Variants in ARL17B observed in about 807,000 individuals in gnomAD.
The protein encoded by ARL17B is ADP-ribosylation factor-like protein 17.
chr17:46,305,413 TG>T (rs2143635964), intron 3 of ARL17B: 2 of 386,288 alleles, frequency 5.2e-6, no homozygotes, highest in East Asian at 6.4e-5. Context: ...AGAGTTGAGA[TG>T]AAAAATAGGT....
At chr17:46,351,184 T>C (rs1161234213) in intron 3 of ARL17B, among the ~76,000 whole-genome samples, 1 of 12,466 alleles carries the variant, frequency 8.0e-5, no homozygotes, top group African/African-American at 9.0e-5. Flanking sequence ...TTTTTGCATA[T>C]TTTTAGTAGA....
At chr17:46,340,668 G>A (rs1259702348) in intron 3 of ARL17B, among the ~76,000 whole-genome samples, 2 of 71,186 alleles carry the variant, frequency 2.8e-5, no homozygotes, top group Non-Finnish European at 7.3e-5. Context: ...TCAGCCTCCC[G>A]AATAGCTGGG....
chr17:46,276,950 C>T (rs1172689361), intron 4 of ARL17B, among the ~76,000 whole-genome samples: 4 of 151,698 alleles, frequency 2.6e-5, no homozygotes, highest in East Asian at 1.9e-4. Context: ...ACTACAGGCA[C>T]GTGCCACCAT....
Position 46,291,985 on chromosome 17 carries a change from A to AAAAAAAAAAAAAAAAC in ARL17B, c.*21+7540_*21+7541insGTTTTTTTTTTTTTTT, listed in dbSNP as rs1360524355. Among the ~76,000 whole-genome samples, 9 of 76,580 alleles carry AAAAAAAAAAAAAAAAC rather than the reference A, an allele frequency of 1.2e-4. 1 individual carries two copies. Among genetic ancestry groups the AAAAAAAAAAAAAAAAC allele is most frequent in the Non-Finnish European group, 1.9e-4 (7 of 36,352 alleles). 50.2% of individuals were successfully genotyped at this position (76,580 alleles called of 152,430 possible). ...CTCAAAAAGCAAAAAAAAAAAAAAA[A>AAAAAAAAAAAAAAAAC]AAGCCAATAAAATCAATGGTCTAAT... On this transcript the variant is annotated intron_variant, in intron 4 of 4. Coordinates refer to the ARL17B transcript ENST00000570618.
chr17:46,333,284 C>A (rs1220485458), downstream of ARL17B, among the ~76,000 whole-genome samples: 6 of 58,266 alleles, frequency 1.0e-4, 3 homozygotes. Flanking sequence ...TGAGATGTGT[C>A]ACCATTTCTT....
intron 3 of ARL17B, among the ~76,000 whole-genome samples, chr17:46,317,165 T>C (rs1189459735): frequency 2.2e-5 from 2 of 89,790 alleles, no homozygotes; most frequent in South Asian, 4.3e-4. Context: ...GCAGAGGCGC[T>C]CCTCACATCC....
rs1316120698 is a variant in ARL17B, at chr17:46,338,237, GGCAAGAGAAGCCCTAA to G, written c.*1247_*1262del. 1.2e-5 allele frequency among the ~76,000 whole-genome samples: 1 copy of G among 80,156 alleles called. No individual in the cohort carries two copies. The highest frequency in any genetic ancestry group is 2.4e-4 in the East Asian group (1 of 4,142). 52.6% of individuals were successfully genotyped at this position (80,156 alleles called of 152,430 possible). A position where few individuals can be genotyped will look rare whatever the true frequency, so the allele number is the denominator to read the frequency against. ...AGGCCGCCTAGAAGGACACTAAAAA[GGCAAGAGAAGCCCTAA>G]GCAGAGTGAGCACCAGACTCCACAG... On this transcript the variant is annotated 3_prime_UTR_variant, in exon 4 of 4. Transcript: ENST00000450673.
chr17:46,285,044 T>G (rs2532310), intron 4 of ARL17B, among the ~76,000 whole-genome samples: 18,013 of 151,534 alleles, frequency 0.12, no homozygotes, highest in Non-Finnish European at 0.18. Context: ...TTTATTTTTA[T>G]TTTTTGTAGA....
At chr17:46,281,824 A>C (rs1262344218) in intron 4 of ARL17B, among the ~76,000 whole-genome samples, 4 of 152,014 alleles carry the variant, frequency 2.6e-5, no homozygotes, top group African/African-American at 9.6e-5. Flanking sequence ...TTGTATTTTT[A>C]GTAGAGATGG....
At chr17:46,275,908 T>G (rs75378182) in intron 4 of ARL17B, among the ~76,000 whole-genome samples, 1 of 152,172 alleles carries the variant, frequency 6.6e-6, no homozygotes, top group African/African-American at 2.4e-5. Context: ...TTTTTTTTTT[T>G]GAGACGAAGT....
chr17:46,288,706 C>CTTTTTTTTT (rs199591277), intron 4 of ARL17B, among the ~76,000 whole-genome samples: 21 of 139,028 alleles, frequency 1.5e-4, no homozygotes, highest in Non-Finnish European at 2.7e-4. Flanking sequence ...CTTGTTTTTT[C>CTTTTTTTTT]TTTTTTTTTT....
downstream of ARL17B, chr17:46,330,957 C>T: frequency 6.9e-6 from 5 of 724,856 alleles, 2 homozygotes; most frequent in South Asian, 2.8e-5. Context: ...GAGAAGTTAG[C>T]GGGAAACGCC....
chr17:46,282,569 C>T (rs1022317152), intron 4 of ARL17B, among the ~76,000 whole-genome samples: 4 of 151,834 alleles, frequency 2.6e-5, no homozygotes, highest in African/African-American at 7.3e-5. Context: ...CACTCATCAC[C>T]AAGCCTGGTT....
chr17:46,291,176 C>T lies in ARL17B; in HGVS notation c.*21+8350G>A, dbSNP rs1303979853. Among the ~76,000 whole-genome samples, 8 of 152,308 alleles carry T rather than the reference C, an allele frequency of 5.3e-5. No homozygotes were observed. In the Middle Eastern group the frequency reaches 0.017, roughly 324 times the overall value. On this transcript the variant is annotated intron_variant, in intron 4 of 4. Transcript: ENST00000570618. ...GAAAGAAAACCTTGAGTTTCATTTC[C>T]TAGTTCATATATTTTTATAACATCG... is the stretch of plus-strand genomic sequence containing the variant.
chr17:46,334,860 A>C (rs1221592917), downstream of ARL17B: 3 of 137,920 alleles, frequency 2.2e-5, no homozygotes, highest in African/African-American at 5.1e-5. Context: ...AGAAAAAAAA[A>C]CCAATAAAAA....
chr17:46,284,309 A>G (rs534555501), intron 4 of ARL17B, among the ~76,000 whole-genome samples: 1 of 152,370 alleles, frequency 6.6e-6, no homozygotes, highest in Non-Finnish European at 1.5e-5. Context: ...GTCCCTGGGC[A>G]CTTGACATTA....
intron 4 of ARL17B, among the ~76,000 whole-genome samples, chr17:46,286,927 T>A (rs2049937030): frequency 6.6e-6 from 1 of 152,226 alleles, no homozygotes; most frequent in South Asian, 2.1e-4. Context: ...ACATTCTCCA[T>A]AATAGCAGTT....
At chr17:46,285,312 C>T (rs1260529783) in intron 4 of ARL17B, among the ~76,000 whole-genome samples, 2 of 150,388 alleles carry the variant, frequency 1.3e-5, no homozygotes, top group East Asian at 2.0e-4. Flanking sequence ...TCGATCTTGG[C>T]TCACTGCAAC....
intron 3 of ARL17B, among the ~76,000 whole-genome samples, chr17:46,323,901 A>C (rs2051548720): frequency 1.0e-5 from 1 of 98,450 alleles, no homozygotes; most frequent in Admixed American, 1.0e-4. Flanking sequence ...AATTATGTAC[A>C]TACCATTTAC....
Sources: allele counts gnomAD v4.1 joint callset (sites outside exome capture counted in the v4.1 genomes callset), GRCh38; gene constraint gnomAD v4.1.1; transcripts MANE v1.5; gene names NCBI Gene and HGNC (gene_info 2026-07-23, HGNC 2026-07-21).